Variants in CCDC122 observed in about 807,000 individuals in gnomAD.
CCDC122 encodes the protein coiled-coil domain containing 122.
A neutral mutation model predicts 37.0 loss-of-function variants in CCDC122; 38 were observed. The ratio of observed to expected loss-of-function variants is 1.03; its 90% CI spans 0.79 to 1.35. The LOEUF (loss-of-function observed/expected upper bound fraction) is 1.35. Ranked by LOEUF, CCDC122 falls within the 40% of genes most tolerant of loss-of-function variation. The probability of loss-of-function intolerance (pLI) is 0.00; values close to 1 mark genes in which losing one functional copy is unlikely to be tolerated. For synonymous variants in CCDC122, 83 were observed against 95.6 expected (o/e 0.87, Z 0.77); for missense variants, 305 against 310.0 (o/e 0.98, Z 0.12).
At chr13:43,850,289 T>A (rs1347677450) in intron 6 of CCDC122, among the ~76,000 whole-genome samples, 1 of 152,130 alleles carries the variant, frequency 6.6e-6, no homozygotes, top group Non-Finnish European at 1.5e-5. Flanking sequence ...AAATGGCTCA[T>A]AACACCAAAA....
intron 1 of CCDC122, chr13:43,879,274 T>A (rs1168186078): frequency 2.6e-5 from 4 of 152,714 alleles, no homozygotes; most frequent in Non-Finnish European, 5.8e-5. Context: ...CCCCGCCCCG[T>A]GCCCTCTGGA....
chr13:43,828,523 T>A (rs1953059819), intron 3 of CCDC122, among the ~76,000 whole-genome samples: 1 of 151,248 alleles, frequency 6.6e-6, no homozygotes, highest in Non-Finnish European at 1.5e-5. Context: ...CAGGATGTTT[T>A]ACATCATATT....
downstream of CCDC122, among the ~76,000 whole-genome samples, chr13:43,822,001 T>A (rs1317601554): frequency 6.6e-6 from 1 of 152,194 alleles, no homozygotes; most frequent in Non-Finnish European, 1.5e-5. Context: ...GTGCCTTATT[T>A]AGTTTCTTTG....
At chr13:43,857,959 A>C (rs1953977902) in intron 6 of CCDC122, among the ~76,000 whole-genome samples, 1 of 152,188 alleles carries the variant, frequency 6.6e-6, no homozygotes, top group Admixed American at 6.5e-5. Context: ...TACCACTGAT[A>C]CACTGTCTTA....
At chr13:43,848,885 G>C in intron 6 of CCDC122, 1 of 980,332 alleles carries the variant, frequency 1.0e-6, no homozygotes, top group Non-Finnish European at 1.2e-6. Context: ...ATTCAGAAGA[G>C]ATAGAAAAAA....
downstream of CCDC122, among the ~76,000 whole-genome samples, chr13:43,832,677 A>G (rs1953100846): frequency 6.6e-6 from 1 of 152,162 alleles, no homozygotes; most frequent in Admixed American, 6.6e-5. Context: ...GATTAAATGT[A>G]TAAATAAATT....
At chr13:43,871,936 A>G (rs1239449436) in intron 2 of CCDC122, among the ~76,000 whole-genome samples, 1 of 152,116 alleles carries the variant, frequency 6.6e-6, no homozygotes, top group Non-Finnish European at 1.5e-5. Context: ...AGATTACAGC[A>G]TCTGACTTAC....
At chr13:43,864,439 T>C (rs977695594) in intron 4 of CCDC122, among the ~76,000 whole-genome samples, 12 of 152,164 alleles carry the variant, frequency 7.9e-5, no homozygotes, top group African/African-American at 2.9e-4. Context: ...AGACTGGGCA[T>C]CTACATCTAG....
At chr13:43,870,016 C>T (rs1954395889) in intron 2 of CCDC122, among the ~76,000 whole-genome samples, 1 of 151,992 alleles carries the variant, frequency 6.6e-6, no homozygotes, top group Admixed American at 6.6e-5. Flanking sequence ...CCTTAAATCA[C>T]TAAATATCTT....
intron 2 of CCDC122, among the ~76,000 whole-genome samples, chr13:43,871,714 C>G (rs927373703): frequency 2.0e-5 from 3 of 152,232 alleles, no homozygotes; most frequent in Admixed American, 2.0e-4. Context: ...TTGGCTTTAA[C>G]TGAAGTCCAA....
downstream of CCDC122, among the ~76,000 whole-genome samples, chr13:43,834,543 T>G (rs1357044314): frequency 1.3e-5 from 2 of 151,734 alleles, no homozygotes; most frequent in African/African-American, 4.8e-5. Context: ...TGGGAGAAAA[T>G]TTTTGCAATC....
chr13:43,843,824 ATT>A (rs5803218), intron 6 of CCDC122, among the ~76,000 whole-genome samples: 31 of 150,300 alleles, frequency 2.1e-4, no homozygotes, highest in South Asian at 4.2e-4. Context: ...GTGTTATAGT[ATT>A]TTTTTTTTTC....
At chr13:43,861,136 C>T (rs1954090444) in intron 4 of CCDC122, among the ~76,000 whole-genome samples, 1 of 152,140 alleles carries the variant, frequency 6.6e-6, no homozygotes, top group Admixed American at 6.6e-5. Flanking sequence ...TTGGCTTTAA[C>T]TGGGCTGACA....
downstream of CCDC122, among the ~76,000 whole-genome samples, chr13:43,833,165 T>C (rs1594811519): frequency 1.3e-5 from 2 of 152,218 alleles, no homozygotes; most frequent in East Asian, 1.9e-4. Context: ...TTTCTTTACA[T>C]TGGTCAACTA....
intron 3 of CCDC122, among the ~76,000 whole-genome samples, chr13:43,830,308 G>T (rs1480992356): frequency 6.6e-6 from 1 of 152,214 alleles, no homozygotes; most frequent in Non-Finnish European, 1.5e-5. Context: ...GAGGAACAGG[G>T]AGTGGAATAG....
At chr13:43,829,369 G>A (rs570849131) in intron 3 of CCDC122, among the ~76,000 whole-genome samples, 1 of 152,196 alleles carries the variant, frequency 6.6e-6, no homozygotes, top group South Asian at 2.1e-4. Flanking sequence ...ACAGTGGTGC[G>A]ATCTCGGCTC....
At chr13:43,874,438 T>C (rs1474362946) in intron 2 of CCDC122, among the ~76,000 whole-genome samples, 1 of 152,162 alleles carries the variant, frequency 6.6e-6, no homozygotes, top group East Asian at 1.9e-4. Flanking sequence ...TACAGTGTTT[T>C]ATTTATTTTT....
chr13:43,861,999 C>T (rs2153876304), intron 4 of CCDC122, among the ~76,000 whole-genome samples: 1 of 152,192 alleles, frequency 6.6e-6, no homozygotes, highest in East Asian at 1.9e-4. Flanking sequence ...CACTTCTGAC[C>T]AGTCTTTGTA....
Position 43,859,592 on chromosome 13 carries a change from C to A in CCDC122, c.555+80G>T. The A allele has an allele frequency of 3.6e-6, 4 of 1,124,418 alleles. No individual in the cohort carries two copies. The South Asian group carries it at 8.2e-5, about 23-fold the overall frequency. 69.7% of individuals were successfully genotyped at this position (1,124,418 alleles called of 1,614,324 possible). On this transcript the variant is annotated intron_variant, in intron 5 of 6. Transcript: ENST00000444614. The stretch of plus-strand genomic sequence containing the variant: ...AGCTATGGGCATTTTATTAACTTCA[C>A]AATAAATTTATCATTTAATGTATGT...
Sources: allele counts gnomAD v4.1 joint callset (sites outside exome capture counted in the v4.1 genomes callset), GRCh38; gene constraint gnomAD v4.1.1; transcripts MANE v1.5; gene names NCBI Gene and HGNC (gene_info 2026-07-23, HGNC 2026-07-21).